MATR3: variants seen among roughly 807,000 people sequenced by gnomAD.
MATR3 encodes the protein matrin-3.
A neutral mutation model predicts 85.5 loss-of-function variants in MATR3; 4 were observed. That is an observed-to-expected ratio of 0.05 (90% confidence interval 0.02 to 0.11). The LOEUF (loss-of-function observed/expected upper bound fraction) is 0.11, where lower values mean the gene tolerates loss of function less well. Among genes scored for constraint, MATR3 ranks in the 10% least tolerant of loss-of-function variants. The pLI is 1.00. For missense variants in MATR3, 685 were observed against 1,016.1 expected, an observed-to-expected ratio of 0.67 and a Z score of 4.43; for synonymous variants, 336 against 343.1, an observed-to-expected ratio of 0.98 and a Z score of 0.23.
chr5:139,297,446 A>G (rs1039655323), intron 1 of MATR3, among the ~76,000 whole-genome samples: 1 of 152,232 alleles, frequency 6.6e-6, no homozygotes, highest in African/African-American at 2.4e-5. Context: ...TTTAATGGAT[A>G]ATTAAAAGTA....
upstream of MATR3, among the ~76,000 whole-genome samples, chr5:139,293,061 A>G (rs1170022417): frequency 1.3e-5 from 2 of 152,248 alleles, no homozygotes; most frequent in African/African-American, 2.4e-5. Context: ...AGACCAGCCT[A>G]GGCAAAATAA....
At chr5:139,303,738 C>T (rs1158773513) in intron 1 of MATR3, among the ~76,000 whole-genome samples, 1 of 152,054 alleles carries the variant, frequency 6.6e-6, no homozygotes, top group East Asian at 1.9e-4. Context: ...ATGAAGGAGT[C>T]AGACACTGTC....
intron 2 of MATR3, among the ~76,000 whole-genome samples, chr5:139,309,021 T>C (rs1754840501): frequency 6.6e-6 from 1 of 152,206 alleles, no homozygotes; most frequent in Admixed American, 6.5e-5. Context: ...ACTACTACAG[T>C]ATCCTGCTCT....
At chr5:139,301,010 T>C (rs1411476290) in intron 1 of MATR3, among the ~76,000 whole-genome samples, 1 of 152,088 alleles carries the variant, frequency 6.6e-6, no homozygotes, top group Non-Finnish European at 1.5e-5. Context: ...AGACAGGGTT[T>C]CCCCATGTTG....
intron 1 of MATR3, among the ~76,000 whole-genome samples, chr5:139,305,833 A>G (rs1458495893): frequency 6.6e-6 from 1 of 152,102 alleles, no homozygotes; most frequent in Non-Finnish European, 1.5e-5. Flanking sequence ...GATTATATCT[A>G]TTTTTTAAAA....
intron 12 of MATR3, chr5:139,325,191 T>TC (rs1755784707): frequency 1.6e-5 from 22 of 1,396,026 alleles, no homozygotes; most frequent in Middle Eastern, 3.6e-4. Context: ...AGACTCCGTC[T>TC]CAAAAAAAAA....
At chr5:139,325,284 C>G in intron 12 of MATR3, 156 bp from the exon 13 acceptor site, 3 of 1,551,808 alleles carry the variant, frequency 1.9e-6, no homozygotes, top group South Asian at 1.2e-5. Flanking sequence ...GTAAATTTGT[C>G]TTTCTTAACA....
intron 6 of MATR3, among the ~76,000 whole-genome samples, chr5:139,317,339 G>A (rs1163017948): frequency 3.3e-5 from 5 of 152,056 alleles, no homozygotes; most frequent in East Asian, 1.9e-4. Flanking sequence ...GTCCAGTTAC[G>A]CGTACAATAT....
chr5:139,286,222 A>G (rs574165098), intron 3 of MATR3, among the ~76,000 whole-genome samples: 3 of 152,294 alleles, frequency 2.0e-5, no homozygotes, highest in East Asian at 3.9e-4. Flanking sequence ...ACCTGGTTCC[A>G]GGGCATTAAA....
Position 139,320,386 on chromosome 5 carries a change from A to T in MATR3, c.1602+885A>T, listed in dbSNP as rs1248154293. On this transcript the variant is annotated intron_variant, in intron 9 of 14. Transcript: ENST00000394805. ...CTAGACATTGGGAGGCTGAGGCCAGAGTTGCCCAGGAGTTTGAGACCGCCC... is the reference window on the plus strand; with the variant it reads ...CTAGACATTGGGAGGCTGAGGCCAGTGTTGCCCAGGAGTTTGAGACCGCCC... Among the ~76,000 whole-genome samples the T allele has an allele frequency of 2.0e-5, 3 of 152,172 alleles. No homozygotes were observed. In the East Asian group the frequency reaches 5.8e-4, roughly 29 times the overall value.
At position 139,330,682 on chromosome 5, in the gene MATR3, A is replaced by C. The variant is rs186857653; in HGVS notation, c.*1287A>C. Reference sequence around the variant, plus strand: ...AACAAACAGAAGCTTATGTTTAGAGATATTGATGACTTAACAGTACAATTG... The same window carrying C: ...AACAAACAGAAGCTTATGTTTAGAGCTATTGATGACTTAACAGTACAATTG... On this transcript the variant is annotated 3_prime_UTR_variant, in exon 15 of 15. Coordinates refer to ENST00000394805, the MANE Select transcript of MATR3 (RefSeq NM_018834.6). 1.7e-4 allele frequency: 75 copies of C among 454,126 alleles called. No individual in the cohort carries two copies. The highest frequency in any genetic ancestry group is 1.5e-3 in the African/African-American group (73 of 50,142). The allele number at this position is 454,126 out of a possible 1,614,324, so 28.1% of individuals were successfully genotyped here. A position where few individuals can be genotyped will look rare whatever the true frequency, so the allele number is the denominator to read the frequency against.
rs1264961159 is a variant in MATR3, at chr5:139,274,161, CGTGA to C, written c.-287+3_-287+6del. On this transcript the variant is annotated splice_donor_variant and splice_donor_region_variant and intron_variant, in intron 1 of 16. Transcript: ENST00000509990. LOFTEE classifies it low-confidence loss of function (5UTR_SPLICE). ...CCCTGCGGAGCTCCGAACACGTGCG[CGTGA>C]GTAAGGACCCAGAGGGGAGAGTCCT... 2.4e-6 allele frequency: 1 copy of C among 424,954 alleles called. No individual in the cohort carries two copies. Among genetic ancestry groups the C allele is most frequent in the Non-Finnish European group, 4.6e-6 (1 of 216,070 alleles). 26.3% of individuals were successfully genotyped at this position (424,954 alleles called of 1,614,324 possible).
At chr5:139,297,234 G>T (rs1316678097) in intron 1 of MATR3, among the ~76,000 whole-genome samples, 1 of 152,202 alleles carries the variant, frequency 6.6e-6, no homozygotes, top group Non-Finnish European at 1.5e-5. Flanking sequence ...TGCTAAGTTT[G>T]TTGGGATGGA....
At chr5:139,285,343 T>A (rs996178941) in intron 3 of MATR3, 3 of 152,242 alleles carry the variant, frequency 2.0e-5, no homozygotes, top group Non-Finnish European at 4.4e-5. Flanking sequence ...TTTAGATTTT[T>A]AAAAAATATT....
intron 3 of MATR3, among the ~76,000 whole-genome samples, chr5:139,284,148 A>G (rs1753626474): frequency 6.6e-6 from 1 of 152,228 alleles, no homozygotes; most frequent in South Asian, 2.1e-4. Flanking sequence ...TAAGAATATC[A>G]TGCTTTTCAG....
At position 139,331,495 on chromosome 5, in the gene MATR3, A is replaced by G. The variant is rs1756148035; in HGVS notation, c.*2100A>G. ...AGAGCATTTAGAAATCAGAAATTAT[A>G]ATAAGCTGTTAGTGATAAATCTGTA... On this transcript the variant is annotated 3_prime_UTR_variant, in exon 15 of 15. Coordinates refer to ENST00000394805, the MANE Select transcript of MATR3 (RefSeq NM_018834.6). The G allele has an allele frequency of 2.2e-6, 1 of 454,006 alleles. No homozygotes were observed. The highest frequency in any genetic ancestry group is 2.0e-5 in the African/African-American group (1 of 50,012). 28.1% of individuals were successfully genotyped at this position (454,006 alleles called of 1,614,324 possible).
At position 139,307,279 on chromosome 5, in the gene MATR3, C is replaced by G. The variant is rs1017052998; in HGVS notation, c.-137C>G. On this transcript the variant is annotated 5_prime_UTR_variant, in exon 2 of 15. Transcript: ENST00000394805. This position sits in a 1 kb window ranked among gnomAD's most constrained non-coding sequence, Gnocchi z 4.4. Reference sequence around the variant, plus strand: ...CTCAGCTTGAAGAAGATTCTGCAGTCCTTATTGATCCTTTTTCTTGGCGTT... The same window carrying G: ...CTCAGCTTGAAGAAGATTCTGCAGTGCTTATTGATCCTTTTTCTTGGCGTT... 47 of 1,418,836 alleles carry G rather than the reference C, an allele frequency of 3.3e-5. No homozygotes were observed. The highest frequency in any genetic ancestry group is 4.1e-5 in the Non-Finnish European group (45 of 1,096,556). The allele number at this position is 1,418,836 out of a possible 1,614,324, so 87.9% of individuals were successfully genotyped here.
intron 8 of MATR3, 95 bp from the exon 9 acceptor site, chr5:139,319,239 A>T: frequency 7.1e-7 from 1 of 1,401,392 alleles, no homozygotes; most frequent in Non-Finnish European, 1.0e-6. Context: ...CCTCGTCTCT[A>T]TAAAAATAAA....
chr5:139,316,465 C>A (rs190686728), intron 5 of MATR3, among the ~76,000 whole-genome samples: 3 of 151,920 alleles, frequency 2.0e-5, no homozygotes, highest in African/African-American at 7.3e-5. Flanking sequence ...AGACTAGTCT[C>A]GAACTCTTGG....
Sources: gnomAD v4.1 joint callset for allele counts (sites outside exome capture counted in the v4.1 genomes callset) on GRCh38, gnomAD v4.1.1 for gene constraint, Gnocchi (gnomAD v3.1) non-coding constraint, MANE v1.5 for transcripts, NCBI Gene and HGNC (gene_info 2026-07-23, HGNC 2026-07-21) for gene names.